The following CNDP1 variants were observed in gnomAD, a reference collection of about 807,000 sequenced individuals.
The protein encoded by CNDP1 is beta-Ala-His dipeptidase.
In CNDP1, 44 loss-of-function variants were observed where a neutral mutation model predicts 58.1. The ratio of observed to expected loss-of-function variants is 0.76; its 90% confidence interval spans 0.60 to 0.97. The LOEUF (loss-of-function observed/expected upper bound fraction) is 0.97. Among genes scored for constraint, CNDP1 ranks in the 50% least tolerant of loss-of-function variants. The pLI, the probability that CNDP1 is intolerant of heterozygous loss-of-function variation, is 0.00. For synonymous variants in CNDP1, 254 were observed against 252.6 expected, an observed-to-expected ratio of 1.01 and a Z score of -0.05; for missense variants, 616 against 655.1, an observed-to-expected ratio of 0.94 and a Z score of 0.65.
chr18:74,578,395 C>A, intron 9 of CNDP1, 68 bp downstream of exon 9: 1 of 1,458,784 alleles, frequency 6.9e-7, no homozygotes, highest in East Asian at 2.3e-5. Flanking sequence ...CACATCACGG[C>A]TTAGTGAGCA....
At chr18:74,579,227 TCCCTCACCTC>T (rs1194868287) in intron 9 of CNDP1, among the ~76,000 whole-genome samples, 4 of 105,994 alleles carry the variant, frequency 3.8e-5, no homozygotes, top group East Asian at 6.0e-4. Context: ...TCCCTTCCCT[TCCCTCACCTC>T]CCCTCTCCTT....
intron 1 of CNDP1, among the ~76,000 whole-genome samples, chr18:74,538,433 G>C (rs1387428530): frequency 6.6e-6 from 1 of 152,142 alleles, no homozygotes; most frequent in Non-Finnish European, 1.5e-5. Flanking sequence ...TTATCCATTT[G>C]TTTGTTGGTG....
intron 9 of CNDP1, 72 bp downstream of exon 9, chr18:74,578,399 G>C: frequency 1.4e-6 from 2 of 1,418,062 alleles, no homozygotes; most frequent in Non-Finnish European, 1.9e-6. Flanking sequence ...TCACGGCTTA[G>C]TGAGCAGTGA....
At chr18:74,574,003 T>C (rs1388201316) in intron 7 of CNDP1, among the ~76,000 whole-genome samples, 1 of 152,256 alleles carries the variant, frequency 6.6e-6, no homozygotes, top group South Asian at 2.1e-4. Flanking sequence ...GTTTATGAGA[T>C]GACAAGCAGG....
chr18:74,570,301 T>C (rs72981715), intron 6 of CNDP1, among the ~76,000 whole-genome samples: 566 of 146,854 alleles, frequency 3.9e-3, no homozygotes, highest in Non-Finnish European at 6.5e-3. Flanking sequence ...CCAGGGAGAG[T>C]GACGTAGACA....
chr18:74,550,970 A>T (rs1447975326), intron 1 of CNDP1, among the ~76,000 whole-genome samples: 3 of 152,028 alleles, frequency 2.0e-5, no homozygotes, highest in African/African-American at 7.2e-5. Flanking sequence ...TACAGTTTGG[A>T]TACGTGTCCC....
At chr18:74,534,912 T>C (rs1980448566) in intron 1 of CNDP1, among the ~76,000 whole-genome samples, 1 of 152,236 alleles carries the variant, frequency 6.6e-6, no homozygotes. Context: ...TTCTTAACAA[T>C]AATTAAATGG....
At chr18:74,542,844 T>C (rs17817095) in intron 1 of CNDP1, among the ~76,000 whole-genome samples, 26,790 of 152,184 alleles carry the variant, frequency 0.18, 2,530 homozygotes, top group Middle Eastern at 0.27. Context: ...TTGAGAACTG[T>C]AAGCCACCAG....
In CNDP1 at chr18:74,585,605, CAA is replaced by C. The variant is rs1981891328; in HGVS notation, c.*1046_*1047del. ...TTTTCTACAGTTGAGTGTATATAAA[CAA>C]AATCAATCTTTATGAATTTATTATT... On this transcript the variant is annotated 3_prime_UTR_variant, in exon 12 of 12. Transcript: ENST00000358821. 1 of 152,082 alleles carries C rather than the reference CAA, an allele frequency of 6.6e-6. No individual in the cohort carries two copies. The highest frequency in any genetic ancestry group is 2.1e-4 in the South Asian group (1 of 4,832). The allele number at this position is 152,082 out of a possible 1,614,324, so 9.4% of individuals were successfully genotyped here.
At chr18:74,567,096 G>C in intron 5 of CNDP1, 137 bp from the exon 6 acceptor site, 1 of 674,618 alleles carries the variant, frequency 1.5e-6, no homozygotes. Context: ...TGGCCCCCAT[G>C]ATTCAATTAC....
intron 1 of CNDP1, among the ~76,000 whole-genome samples, chr18:74,537,552 A>G (rs1163993864): frequency 2.6e-5 from 4 of 152,204 alleles, no homozygotes; most frequent in Non-Finnish European, 4.4e-5. Flanking sequence ...CACAGATCAA[A>G]TGCCCATCAA....
chr18:74,559,342 C>A lies in CNDP1; in HGVS notation c.173C>A (p.Ala58Asp). The stretch of plus-strand genomic sequence containing the variant: ...TCCTAGACGCTGAAGGAGTGGGTGG[C>A]CATCGAGAGCGACTCTGTCCAGCCT... The part of the protein sequence containing the change: ...EFVQTLKEWV[A>D]IESDSVQPVP... Residue 58 changes from alanine to aspartate, a missense_variant, in exon 3 of 12, where the codon GCC (alanine) becomes GAC (aspartate). By Grantham distance (126) the Ala-to-Asp change is moderately radical. Coordinates refer to ENST00000358821, the MANE Select transcript of CNDP1 (RefSeq NM_032649.6). 6.2e-7 allele frequency: 1 copy of A among 1,614,054 alleles called. No individual in the cohort carries two copies. Among genetic ancestry groups the A allele is most frequent in the South Asian group, 1.1e-5 (1 of 91,072 alleles).
At chr18:74,570,774 C>T (rs574976138) in intron 6 of CNDP1, among the ~76,000 whole-genome samples, 2 of 152,166 alleles carry the variant, frequency 1.3e-5, no homozygotes, top group South Asian at 4.1e-4. Flanking sequence ...AATTGTCCTG[C>T]AGGTAAGAAA....
At chr18:74,576,803 G>A in intron 7 of CNDP1, 66 bp from the exon 8 acceptor site, 7 of 1,465,602 alleles carry the variant, frequency 4.8e-6, no homozygotes, top group Non-Finnish European at 6.5e-6. Flanking sequence ...CCACAGTCTG[G>A]CTCCAGGACC....
At chr18:74,568,107 A>G (rs377255589) in intron 6 of CNDP1, among the ~76,000 whole-genome samples, 106 of 152,328 alleles carry the variant, frequency 7.0e-4, no homozygotes, top group African/African-American at 2.4e-3. Flanking sequence ...TGCATAAGAC[A>G]TAGAAAGTCC....
intron 11 of CNDP1, 96 bp from the exon 12 acceptor site, chr18:74,584,399 TA>T: frequency 3.6e-6 from 3 of 829,486 alleles, no homozygotes; most frequent in Non-Finnish European, 6.1e-6. Flanking sequence ...ATGGAATTTA[TA>T]ACATCAAATC....
At chr18:74,558,397 T>TTTTC (rs1981098068) in intron 2 of CNDP1, among the ~76,000 whole-genome samples, 1 of 137,372 alleles carries the variant, frequency 7.3e-6, no homozygotes, top group South Asian at 2.3e-4. Flanking sequence ...TTTTTCTTTT[T>TTTTC]TTTTTTTTTT....
At chr18:74,569,679 T>A (rs1309033840) in intron 6 of CNDP1, among the ~76,000 whole-genome samples, 1 of 152,106 alleles carries the variant, frequency 6.6e-6, no homozygotes, top group Non-Finnish European at 1.5e-5. Flanking sequence ...ACTGATGCTA[T>A]CTCAATAATA....
chr18:74,546,113 C>T (rs1488024483), intron 1 of CNDP1, among the ~76,000 whole-genome samples: 1 of 152,182 alleles, frequency 6.6e-6, no homozygotes, highest in African/African-American at 2.4e-5. Context: ...TTCATTCACT[C>T]TTTTTGGTCA....
Sources: gnomAD v4.1 joint callset for allele counts (sites outside exome capture counted in the v4.1 genomes callset) on GRCh38, gnomAD v4.1.1 for gene constraint, MANE v1.5 for transcripts, NCBI Gene and HGNC (gene_info 2026-07-23, HGNC 2026-07-21) for gene names.